The following TMEM31 variants were observed in gnomAD, a reference collection of about 807,000 sequenced individuals.
The protein encoded by TMEM31 is testicular secretory protein Li 58.
TMEM31 carries 1 observed loss-of-function variant against 2.4 expected under a neutral mutation model. The observed-to-expected ratio is 0.42, with a 90% CI of 0.15 to 1.97. TMEM31 has a LOEUF of 1.97. TMEM31 is among the 30% of genes most tolerant of loss of function. TMEM31 has a pLI of 0.30. For synonymous variants in TMEM31, 47 were observed against 45.8 expected (o/e 1.03, Z -0.10); for missense variants, 119 against 121.3 (o/e 0.98, Z 0.09).
rs746927622 is a variant in TMEM31 at position 103,712,297 on chromosome X, C to T, written c.39C>T (p.Leu13=). 6.6e-6 allele frequency: 8 copies of T among 1,208,640 alleles called. No individual in the cohort carries two copies. The highest frequency in any genetic ancestry group is 2.2e-5 in the Admixed American group (1 of 45,661). Residue 13 remains leucine (L), a synonymous_variant, in exon 2 of 3, where the codon CTC becomes CTT. Transcript: ENST00000319560. ...LTEKSEGEQQ[L]KPNNSNAPNE... Reference sequence around the variant, plus strand: ...AAAAGAGTGAGGGAGAACAACAACTCAAGCCCAACAACTCTAATGCACCCA... The same window carrying T: ...AAAAGAGTGAGGGAGAACAACAACTTAAGCCCAACAACTCTAATGCACCCA...
At chrX:103,712,062 G>A (rs1335442307) in intron 1 of TMEM31, among the ~76,000 whole-genome samples, 174 bp from the exon 2 acceptor site, 1 of 112,152 alleles carries the variant, frequency 8.9e-6, no homozygotes, top group Non-Finnish European at 1.9e-5. Flanking sequence ...TAAGCAACCA[G>A]TATGTAGCTC....
chrX:103,712,151 A>G (rs2074226250), intron 1 of TMEM31, 85 bp from the exon 2 acceptor site: 1 of 661,769 alleles, frequency 1.5e-6, no homozygotes, highest in Admixed American at 3.7e-5. Context: ...TGTCATGACA[A>G]CTTACCTAGC....
At chrX:103,711,118 A>G (rs750806393) in intron 1 of TMEM31, 42 bp downstream of exon 1, 2 of 110,594 alleles carry the variant, frequency 1.8e-5, no homozygotes, top group Non-Finnish European at 3.8e-5. Context: ...TCCTATAAAG[A>G]TAAGATCTTG....
chrX:103,712,266 T>C lies in TMEM31; in HGVS notation c.8T>C (p.Leu3Ser). 8.3e-7 allele frequency: 1 copy of C among 1,206,187 alleles called. No homozygotes were observed. The highest frequency in any genetic ancestry group is 1.1e-6 in the Non-Finnish European group (1 of 892,442). Residue 3 changes from leucine to serine, a missense_variant, in exon 2 of 3, where the codon TTA (leucine) becomes TCA (serine). Coordinates refer to ENST00000319560, the MANE Select transcript of TMEM31 (RefSeq NM_182541.2). ...CACTTTACTGTAGAAGAAATGAGGT[T>C]AACAGAAAAGAGTGAGGGAGAACAA... MR[L>S]TEKSEGEQQL...
At chrX:103,712,077 A>G (rs1414461312) in intron 1 of TMEM31, among the ~76,000 whole-genome samples, 159 bp from the exon 2 acceptor site, 1 of 112,036 alleles carries the variant, frequency 8.9e-6, no homozygotes, top group Non-Finnish European at 1.9e-5. Context: ...TAGCTCAGTT[A>G]AGCCTTTCAG....
intron 2 of TMEM31, among the ~76,000 whole-genome samples, chrX:103,713,217 A>G (rs1279726329): frequency 9.0e-6 from 1 of 110,931 alleles, no homozygotes; most frequent in African/African-American, 3.3e-5. Context: ...CAGCCTCACA[A>G]GTAGCTGGGA....
rs192919087 is a variant in TMEM31, at chrX:103,713,755, T to A, written c.264T>A (p.Pro88=). The change falls in exon 3 of 3, where the codon CCT becomes CCA. Residue 88 remains proline, a synonymous_variant. Coordinates refer to ENST00000319560, the MANE Select transcript of TMEM31 (RefSeq NM_182541.2). ...TEWIFNPYRL[P]ALFELYPEFL... Reference sequence around the variant, plus strand: ...GGATTTTCAACCCCTATCGATTGCCTGCTCTTTTTGAGCTTTATCCTGAAT... The same window carrying A: ...GGATTTTCAACCCCTATCGATTGCCAGCTCTTTTTGAGCTTTATCCTGAAT... 7.4e-6 allele frequency: 9 copies of A among 1,209,575 alleles called. No individual in the cohort carries two copies. In the Admixed American group the frequency reaches 1.5e-4, roughly 21 times the overall value.
intron 1 of TMEM31, among the ~76,000 whole-genome samples, 169 bp downstream of exon 1, chrX:103,711,245 G>A (rs1034413165): frequency 2.7e-5 from 3 of 110,932 alleles, no homozygotes; most frequent in Non-Finnish European, 3.8e-5. Context: ...AGCACTTTGC[G>A]AGGCCGAGGC....
chrX:103,712,239 A>C lies in TMEM31; in HGVS notation c.-20A>C. On this transcript the variant is annotated 5_prime_UTR_variant, in exon 2 of 3. Transcript: ENST00000319560. Reference sequence around the variant, plus strand: ...GATTTCTTTTATATTTCCCCAGGTGATCACTTTACTGTAGAAGAAATGAGG... The same window carrying C: ...GATTTCTTTTATATTTCCCCAGGTGCTCACTTTACTGTAGAAGAAATGAGG... The C allele has an allele frequency of 8.5e-7, 1 of 1,178,753 alleles. No homozygotes were observed. The highest frequency in any genetic ancestry group is 1.1e-6 in the Non-Finnish European group (1 of 873,992).
At chrX:103,712,674 G>T (rs1342471723) in intron 2 of TMEM31, among the ~76,000 whole-genome samples, 1 of 111,709 alleles carries the variant, frequency 9.0e-6, no homozygotes. Flanking sequence ...TGGGATTACA[G>T]GTGCCCACCA....
At position 103,713,868 on chromosome X, in the gene TMEM31, A is replaced by G. The variant is rs1569416470; in HGVS notation, c.377A>G (p.His126Arg). ...AAGATCGGACTGCCCATCATACTCC[A>G]CCTCTTCGCACTCTCCACCCTCTAC... ...MEKIGLPIIL[H>R]LFALSTLYFY... The change falls in exon 3 of 3, where the codon CAC (histidine) becomes CGC (arginine). Residue 126 changes from histidine to arginine, a missense_variant. Coordinates refer to ENST00000319560, the MANE Select transcript of TMEM31 (RefSeq NM_182541.2). The G allele has an allele frequency of 8.3e-7, 1 of 1,210,389 alleles. No homozygotes were observed. Among genetic ancestry groups the G allele is most frequent in the Middle Eastern group, 2.3e-4 (1 of 4,353 alleles).
In TMEM31 at chrX:103,713,875, C is replaced by T. The variant is rs775294331; in HGVS notation, c.384C>T (p.Phe128=). Residue 128 remains phenylalanine, a synonymous_variant, in exon 3 of 3, where the codon TTC becomes TTT. Transcript: ENST00000319560. ...KIGLPIILHL[F]ALSTLYFYKF... ...GACTGCCCATCATACTCCACCTCTT[C>T]GCACTCTCCACCCTCTACTTCTACA... The T allele has an allele frequency of 3.6e-5, 43 of 1,210,295 alleles. No homozygotes were observed. The highest frequency in any genetic ancestry group is 5.3e-5 in the South Asian group (3 of 56,847).
chrX:103,712,165 T>G (rs2074226285), intron 1 of TMEM31, 71 bp from the exon 2 acceptor site: 2 of 775,290 alleles, frequency 2.6e-6, no homozygotes, highest in South Asian at 5.3e-5. Flanking sequence ...ACCTAGCACC[T>G]ATTGTCTGGG....
Position 103,714,010 on chromosome X carries a change from C to T in TMEM31, c.*12C>T. The T allele has an allele frequency of 8.6e-7, 1 of 1,161,998 alleles. No homozygotes were observed. The highest frequency in any genetic ancestry group is 1.1e-6 in the Non-Finnish European group (1 of 872,352). ...TGATCTTCTTCTGATTCTTTTGTTTCAATAAACAGCAATGAGCATGAACAC... is the reference window on the plus strand; with the variant it reads ...TGATCTTCTTCTGATTCTTTTGTTTTAATAAACAGCAATGAGCATGAACAC... On this transcript the variant is annotated 3_prime_UTR_variant, in exon 3 of 3. Transcript: ENST00000319560.
At chrX:103,713,451 G>A in intron 2 of TMEM31, 143 bp from the exon 3 acceptor site, 2 of 1,120,982 alleles carry the variant, frequency 1.8e-6, no homozygotes, top group Non-Finnish European at 2.4e-6. Flanking sequence ...CTTGGTTTGT[G>A]GGGAGGCGGA....
In TMEM31 at chrX:103,712,370, G is replaced by T. The variant is rs750770969; in HGVS notation, c.102+10G>T. The T allele has an allele frequency of 2.5e-6, 3 of 1,186,500 alleles. No individual in the cohort carries two copies. Among genetic ancestry groups the T allele is most frequent in the South Asian group, 3.7e-5 (2 of 53,614 alleles). ...CCAACAGTCAGAACAGGCAAGTGGT[G>T]GTTTCTCAATTCCAACTTAGTTATG... On this transcript the variant is annotated intron_variant, in intron 2 of 2. Transcript: ENST00000319560.
chrX:103,713,176 C>T (rs1480255153), intron 2 of TMEM31, among the ~76,000 whole-genome samples: 3 of 109,739 alleles, frequency 2.7e-5, no homozygotes, highest in African/African-American at 1.0e-4. Context: ...CCGCAAACTC[C>T]GCCTCCTGGG....
intron 1 of TMEM31, 52 bp downstream of exon 1, chrX:103,711,128 G>A (rs2074221133): frequency 9.0e-6 from 1 of 110,663 alleles, no homozygotes; most frequent in Admixed American, 9.8e-5. Context: ...ATAAGATCTT[G>A]GTACCTGCAG....
Position 103,713,409 on chromosome X carries a change from G to A in TMEM31, c.103-185G>A, listed in dbSNP as rs2074232344. 3.5e-6 allele frequency: 3 copies of A among 852,002 alleles called. No homozygotes were observed. The East Asian group carries it at 9.4e-5, about 27-fold the overall frequency. 70.2% of individuals were successfully genotyped at this position (852,002 alleles called of 1,213,427 possible). ...CCTTATGAATCCAGGGTTTCTGATT[G>A]CCTATCTAGTCCTTGCAGCCCTGGG... On this transcript the variant is annotated intron_variant, in intron 2 of 2. Coordinates refer to ENST00000319560, the MANE Select transcript of TMEM31 (RefSeq NM_182541.2).
Sources: gnomAD v4.1 joint callset for allele counts (sites outside exome capture counted in the v4.1 genomes callset) on GRCh38, gnomAD v4.1.1 for gene constraint, MANE v1.5 for transcripts, NCBI Gene and HGNC (gene_info 2026-07-23, HGNC 2026-07-21) for gene names.